LPP: variants seen among roughly 807,000 people sequenced by gnomAD.
LPP encodes the protein LIM domain containing preferred translocation partner in lipoma, also known as lipoma-preferred partner.
A neutral mutation model predicts 60.4 loss-of-function variants in LPP; 38 were observed. The ratio of observed to expected loss-of-function variants is 0.63; its 90% confidence interval spans 0.49 to 0.83. LPP has a LOEUF of 0.83. Among genes scored for constraint, LPP ranks in the 40% least tolerant of loss-of-function variants. The pLI, the probability that LPP is intolerant of heterozygous loss-of-function variation, is 0.00. For synonymous variants in LPP, 328 were observed against 290.8 expected (o/e 1.13, Z -1.30); for missense variants, 902 against 783.6 (o/e 1.15, Z -1.80).
At chr3:188,273,956 G>C (rs531133961) in intron 2 of LPP, among the ~76,000 whole-genome samples, 1 of 152,106 alleles carries the variant, frequency 6.6e-6, no homozygotes, top group African/African-American at 2.4e-5. Flanking sequence ...TCAATGTTTA[G>C]AGATATATAT....
At chr3:188,651,126 A>T (rs1286387805) in intron 7 of LPP, among the ~76,000 whole-genome samples, 2 of 152,214 alleles carry the variant, frequency 1.3e-5, no homozygotes, top group Non-Finnish European at 2.9e-5. Context: ...GGCTAAGATG[A>T]TAGACAAATT....
intron 5 of LPP, 92 bp downstream of exon 5, chr3:188,484,796 G>T: frequency 2.2e-6 from 2 of 896,368 alleles, no homozygotes; most frequent in Admixed American, 1.8e-5. Flanking sequence ...TTTCATGAGT[G>T]TTTCTGTGCT....
intron 4 of LPP, among the ~76,000 whole-genome samples, chr3:188,463,383 A>G (rs1351265591): frequency 2.6e-5 from 4 of 151,788 alleles, no homozygotes; most frequent in Non-Finnish European, 4.4e-5. Flanking sequence ...AAGTTTAGAA[A>G]TGGGGTCCTG....
chr3:188,476,115 C>T (rs1444522437), intron 4 of LPP, among the ~76,000 whole-genome samples: 1 of 152,064 alleles, frequency 6.6e-6, no homozygotes, highest in Non-Finnish European at 1.5e-5. Context: ...CATCATAGCC[C>T]TTCTCACCAT....
chr3:188,833,397 A>G (rs768089947), intron 9 of LPP, among the ~76,000 whole-genome samples: 2 of 152,232 alleles, frequency 1.3e-5, no homozygotes, highest in Non-Finnish European at 2.9e-5. Flanking sequence ...TTAGGCACCA[A>G]AGCAAACCTA....
chr3:188,193,077 GGCT>G (rs1728615844), intron 1 of LPP, among the ~76,000 whole-genome samples: 2 of 152,058 alleles, frequency 1.3e-5, no homozygotes, highest in Admixed American at 1.3e-4. Context: ...GTTGTGACAG[GGCT>G]TTCTTAGAGT....
intron 7 of LPP, among the ~76,000 whole-genome samples, chr3:188,630,603 A>C (rs1183234408): frequency 1.3e-5 from 2 of 152,166 alleles, no homozygotes; most frequent in Non-Finnish European, 2.9e-5. Flanking sequence ...TGACCTAGCA[A>C]TCCCATTACT....
At chr3:188,490,129 T>C (rs1807886284) in intron 5 of LPP, among the ~76,000 whole-genome samples, 1 of 152,154 alleles carries the variant, frequency 6.6e-6, no homozygotes, top group Non-Finnish European at 1.5e-5. Context: ...TTTTAAAAAG[T>C]GATGCAAAGT....
At chr3:188,863,927 G>T (rs1166864081) in intron 9 of LPP, among the ~76,000 whole-genome samples, 1 of 148,326 alleles carries the variant, frequency 6.7e-6, no homozygotes, top group African/African-American at 2.5e-5. Context: ...AACATTTTCT[G>T]GTTATTCAAC....
At chr3:188,580,104 T>C (rs1451059437) in intron 6 of LPP, among the ~76,000 whole-genome samples, 1 of 152,112 alleles carries the variant, frequency 6.6e-6, no homozygotes, top group Non-Finnish European at 1.5e-5. Context: ...ATACAAACCA[T>C]AGTACTACCG....
chr3:188,735,189 C>T (rs1463864243), intron 8 of LPP, among the ~76,000 whole-genome samples: 4 of 151,922 alleles, frequency 2.6e-5, no homozygotes, highest in Non-Finnish European at 5.9e-5. Context: ...AGTGGTTGTT[C>T]TGTGTTTGTT....
At chr3:188,270,960 T>A (rs1459388617) in intron 2 of LPP, among the ~76,000 whole-genome samples, 2 of 152,208 alleles carry the variant, frequency 1.3e-5, no homozygotes, top group Non-Finnish European at 2.9e-5. Flanking sequence ...AATGGCAAAG[T>A]AGCAGGGTTG....
intron 7 of LPP, among the ~76,000 whole-genome samples, chr3:188,612,566 A>G (rs1407199410): frequency 1.3e-5 from 2 of 152,164 alleles, no homozygotes; most frequent in Admixed American, 6.5e-5. Context: ...CACCATCTTT[A>G]CTAATTAATT....
At chr3:188,250,703 CTCTT>C (rs926810760) in intron 2 of LPP, among the ~76,000 whole-genome samples, 2 of 151,414 alleles carry the variant, frequency 1.3e-5, no homozygotes, top group East Asian at 1.9e-4. Flanking sequence ...CTCTCTTTTC[CTCTT>C]TCTTTTCTTT....
chr3:188,733,485 C>T (rs186884626), intron 8 of LPP, among the ~76,000 whole-genome samples: 131 of 152,316 alleles, frequency 8.6e-4, no homozygotes, highest in African/African-American at 3.1e-3. Flanking sequence ...CCCCCCTTCT[C>T]TAACATGGTA....
chr3:188,608,097 A>G (rs1842882738), intron 6 of LPP, among the ~76,000 whole-genome samples: 1 of 152,110 alleles, frequency 6.6e-6, no homozygotes, highest in Non-Finnish European at 1.5e-5. Context: ...GACCAAATAG[A>G]TTTCTACATT....
At chr3:188,869,165 T>A (rs1260925073) in intron 10 of LPP, among the ~76,000 whole-genome samples, 1 of 152,200 alleles carries the variant, frequency 6.6e-6, no homozygotes, top group Admixed American at 6.5e-5. Flanking sequence ...TTCTCTGTGT[T>A]CAGGGAGATT....
chr3:188,284,984 G>T (rs1743429123), intron 2 of LPP, among the ~76,000 whole-genome samples: 2 of 152,062 alleles, frequency 1.3e-5, no homozygotes, highest in Admixed American at 6.6e-5. Context: ...ACTGAAAAAT[G>T]GTAGCACTGG....
intron 5 of LPP, among the ~76,000 whole-genome samples, chr3:188,497,047 T>C (rs1279198119): frequency 6.6e-6 from 1 of 151,858 alleles, no homozygotes; most frequent in East Asian, 1.9e-4. Flanking sequence ...GATACAAGAA[T>C]GAGAGCATTC....
Sources: allele counts gnomAD v4.1 joint callset (sites outside exome capture counted in the v4.1 genomes callset), GRCh38; gene constraint gnomAD v4.1.1; transcripts MANE v1.5; gene names NCBI Gene and HGNC (gene_info 2026-07-23, HGNC 2026-07-21).